The following ATP5PO variants were observed in gnomAD, a reference collection of about 807,000 sequenced individuals.
ATP5PO encodes the protein ATP synthase peripheral stalk subunit OSCP, mitochondrial.
In ATP5PO, 14 loss-of-function variants were observed where a neutral mutation model predicts 26.2. The ratio of observed to expected loss-of-function variants is 0.53; its 90% CI spans 0.35 to 0.83. The LOEUF is 0.83. Ranked by LOEUF, ATP5PO falls within the 40% of genes least tolerant of loss-of-function variation. The pLI, the probability that ATP5PO is intolerant of heterozygous loss-of-function variation, is 0.01. For missense variants in ATP5PO, 241 were observed against 258.5 expected (o/e 0.93, Z 0.46); for synonymous variants, 106 against 95.1 (o/e 1.12, Z -0.67).
rs1005597285 is a variant in ATP5PO, at chr21:33,912,503, C to T, written c.88-104G>A. 1.0e-4 allele frequency: 75 copies of T among 720,564 alleles called. No individual in the cohort carries two copies. In the African/African-American group the frequency reaches 1.3e-3, roughly 13 times the overall value. The allele number at this position is 720,564 out of a possible 1,614,324, so 44.6% of individuals were successfully genotyped here. On this transcript the variant is annotated intron_variant, in intron 2 of 6. Coordinates refer to ENST00000290299, the MANE Select transcript of ATP5PO (RefSeq NM_001697.3). Reference sequence around the variant, plus strand: ...AATTTATATTTTAAAAAATGTATCTCTTTAACACAAAACAGTTTAAATATG... The same window carrying T: ...AATTTATATTTTAAAAAATGTATCTTTTTAACACAAAACAGTTTAAATATG...
chr21:33,909,020 C>T, intron 4 of ATP5PO, 62 bp downstream of exon 4: 1 of 1,513,918 alleles, frequency 6.6e-7, no homozygotes, highest in Non-Finnish European at 9.0e-7. Flanking sequence ...GCCCACAGTC[C>T]ATGGACCACA....
chr21:33,908,169 CA>C (rs34768404), intron 4 of ATP5PO, among the ~76,000 whole-genome samples: 15,092 of 97,512 alleles, frequency 0.15, 481 homozygotes, highest in Non-Finnish European at 0.19. Context: ...CACCCAGGCT[CA>C]AAAAAAAAAA....
intron 3 of ATP5PO, among the ~76,000 whole-genome samples, chr21:33,909,795 C>G (rs1459086439): frequency 6.6e-6 from 1 of 152,166 alleles, no homozygotes; most frequent in East Asian, 1.9e-4. Context: ...AAACACTAAA[C>G]AGCCAAACCT....
At chr21:33,910,737 GCT>G (rs926336396) in intron 3 of ATP5PO, among the ~76,000 whole-genome samples, 1 of 152,202 alleles carries the variant, frequency 6.6e-6, no homozygotes, top group African/African-American at 2.4e-5. Flanking sequence ...GGGCTCCTGG[GCT>G]CTGAGAGAAT....
rs879061112 is a variant in ATP5PO at position 33,909,088 on chromosome 21, G to A, written c.322C>T (p.Leu108=). Reference sequence around the variant, plus strand: ...AAAAAGTTCTAATACTCACTGATCAGATTGGTAGTGAGGGGAGAGAACCTC... The same window carrying A: ...AAAAAGTTCTAATACTCACTGATCAAATTGGTAGTGAGGGGAGAGAACCTC... ...KERFSPLTTN[L]INLLAENGRL... Residue 108 remains leucine, a synonymous_variant, in exon 4 of 7, where the codon CTG becomes TTG. Coordinates refer to ENST00000290299, the MANE Select transcript of ATP5PO (RefSeq NM_001697.3). 5 of 1,609,914 alleles carry A rather than the reference G, an allele frequency of 3.1e-6. No homozygotes were observed. The South Asian group carries it at 5.5e-5, about 18-fold the overall frequency.
Position 33,915,738 on chromosome 21 carries a change from AG to A in ATP5PO, c.25del (p.Leu9SerfsTer20). On this transcript the variant is annotated frameshift_variant, in exon 1 of 7. Transcript: ENST00000290299. LOFTEE classifies it high-confidence loss of function. ...CCACCTTTCTCTCACCTGCCGGGAG[AG>A]CCCGGACACTGCTGGGGCAGCCATC... MAAPAVSGLSRQVRCFSTS... is the reference protein window; with the variant it reads MAAPAVSGXSRQVRCFSTS... 1 of 1,576,514 alleles carries A rather than the reference AG, an allele frequency of 6.3e-7. No homozygotes were observed. The highest frequency in any genetic ancestry group is 8.6e-7 in the Non-Finnish European group (1 of 1,161,046).
intron 5 of ATP5PO, chr21:33,906,856 TG>T (rs1366088838): frequency 9.0e-6 from 4 of 442,204 alleles, no homozygotes; most frequent in Non-Finnish European, 1.8e-5. Context: ...CCGGGTGTGG[TG>T]GGGGTGCACT....
chr21:33,906,452 G>A lies in ATP5PO; in HGVS notation c.441+889C>T, dbSNP rs1004970198. ...TGTGTTCAAATTCTAGTCCCACCTC[G>A]TATGACTTTGGGCAAGCGACTTCAT... On this transcript the variant is annotated intron_variant, in intron 5 of 6. Coordinates refer to ENST00000290299, the MANE Select transcript of ATP5PO (RefSeq NM_001697.3). The A allele has an allele frequency of 7.5e-5, 25 of 333,964 alleles. No individual in the cohort carries two copies. In the East Asian group the frequency reaches 7.8e-4, roughly 10 times the overall value. The allele number at this position is 333,964 out of a possible 1,614,324, so 20.7% of individuals were successfully genotyped here. A position where few individuals can be genotyped will look rare whatever the true frequency, so the allele number is the denominator to read the frequency against.
At chr21:33,908,304 ATC>A (rs1211883086) in intron 4 of ATP5PO, among the ~76,000 whole-genome samples, 1 of 152,000 alleles carries the variant, frequency 6.6e-6, no homozygotes, top group Non-Finnish European at 1.5e-5. Flanking sequence ...TCAGCTTGCA[ATC>A]TGATTTTCAT....
rs1263020883 is a variant in ATP5PO at position 33,906,808 on chromosome 21, T to C, written c.441+533A>G. ...TTCGAGACAAGCCTGGAGAACACAGTAAAACCTCCATCACTATAAAAAACA... is the reference window on the plus strand; with the variant it reads ...TTCGAGACAAGCCTGGAGAACACAGCAAAACCTCCATCACTATAAAAAACA... On this transcript the variant is annotated intron_variant, in intron 5 of 6. Coordinates refer to ENST00000290299, the MANE Select transcript of ATP5PO (RefSeq NM_001697.3). The C allele has an allele frequency of 6.6e-6, 3 of 455,796 alleles. 1 individual carries two copies. The Admixed American group carries it at 7.1e-5, about 11-fold the overall frequency. 28.2% of individuals were successfully genotyped at this position (455,796 alleles called of 1,614,324 possible).
At chr21:33,905,389 G>A (rs1248653844) in intron 5 of ATP5PO, among the ~76,000 whole-genome samples, 1 of 152,098 alleles carries the variant, frequency 6.6e-6, no homozygotes, top group Non-Finnish European at 1.5e-5. Flanking sequence ...AGGGAACGGA[G>A]GCTCAGGGTG....
intron 2 of ATP5PO, among the ~76,000 whole-genome samples, chr21:33,913,331 C>T (rs1371907632): frequency 2.0e-5 from 3 of 152,176 alleles, no homozygotes; most frequent in East Asian, 1.9e-4. Context: ...TTCCTTTACA[C>T]GATTTTTCCA....
chr21:33,914,655 T>C, intron 1 of ATP5PO, 155 bp from the exon 2 acceptor site: 1 of 634,310 alleles, frequency 1.6e-6, no homozygotes, highest in Non-Finnish European at 2.6e-6. Context: ...TACTTACTAT[T>C]ACTAAGGGGT....
intron 3 of ATP5PO, among the ~76,000 whole-genome samples, chr21:33,911,662 G>GTTTTTTTTTTTTTTTTTTTTTTTTT (rs58774588): frequency 4.3e-5 from 4 of 92,080 alleles, no homozygotes; most frequent in Non-Finnish European, 6.0e-5. Context: ...ATAAGCATAG[G>GTTTTTTTTTTTTTTTTTTTTTTTTT]TTTTTTTTTT....
chr21:33,910,730 C>A (rs1430949384), intron 3 of ATP5PO, among the ~76,000 whole-genome samples: 2 of 152,200 alleles, frequency 1.3e-5, no homozygotes, highest in African/African-American at 4.8e-5. Flanking sequence ...CAGGGCTGGG[C>A]TCCTGGGCTC....
At chr21:33,908,764 A>T in intron 4 of ATP5PO, 2 of 225,440 alleles carry the variant, frequency 8.9e-6, no homozygotes, top group Middle Eastern at 3.1e-3. Context: ...CCAAGGATCA[A>T]GGTATAGCCA....
rs1987306411 is a variant in ATP5PO at position 33,915,751 on chromosome 21, C to G, written c.13G>C (p.Ala5Pro). MAAP[A>P]VSGLSRQVRC... ...ACCTGCCGGGAGAGCCCGGACACTG[C>G]TGGGGCAGCCATCTTCTCCCGGGCG... The change falls in exon 1 of 7, where the codon GCA (alanine) becomes CCA (proline). Residue 5 changes from alanine (A) to proline (P), a missense_variant. Ala to Pro is a conservative substitution (Grantham distance 27, BLOSUM62 -1). Transcript: ENST00000290299. 6.3e-7 allele frequency: 1 copy of G among 1,575,914 alleles called. No individual in the cohort carries two copies. The highest frequency in any genetic ancestry group is 1.3e-5 in the African/African-American group (1 of 74,126).
chr21:33,915,801 A>C lies in ATP5PO; in HGVS notation c.-38T>G. 6.4e-7 allele frequency: 1 copy of C among 1,553,312 alleles called. No homozygotes were observed. Among genetic ancestry groups the C allele is most frequent in the Non-Finnish European group, 8.7e-7 (1 of 1,150,612 alleles). Reference sequence around the variant, plus strand: ...GGCTGTAGGTCAAACCCGAGTGGGAAGAGAGAAACGCGCAAGGGCGCACGC... The same window carrying C: ...GGCTGTAGGTCAAACCCGAGTGGGACGAGAGAAACGCGCAAGGGCGCACGC... On this transcript the variant is annotated 5_prime_UTR_variant, in exon 1 of 7. Coordinates refer to ENST00000290299, the MANE Select transcript of ATP5PO (RefSeq NM_001697.3).
chr21:33,905,046 G>A (rs898554665), intron 5 of ATP5PO, among the ~76,000 whole-genome samples: 1 of 152,046 alleles, frequency 6.6e-6, no homozygotes. Flanking sequence ...CTGCTAAAAA[G>A]GCCTTTTTTT....
Sources: allele counts gnomAD v4.1 joint callset (sites outside exome capture counted in the v4.1 genomes callset), GRCh38; gene constraint gnomAD v4.1.1; transcripts MANE v1.5; gene names NCBI Gene and HGNC (gene_info 2026-07-23, HGNC 2026-07-21).